KHDRBS2: variants seen among roughly 807,000 people sequenced by gnomAD.
The protein encoded by KHDRBS2 is KH RNA binding domain containing, signal transduction associated 2.
KHDRBS2 carries 26 observed loss-of-function variants against 44.3 expected under a neutral mutation model. The observed-to-expected ratio is 0.59, with a 90% CI of 0.43 to 0.81. KHDRBS2 has a LOEUF of 0.81. Among genes scored for constraint, KHDRBS2 ranks in the 40% least tolerant of loss-of-function variants. The probability of loss-of-function intolerance (pLI) is 0.00; values close to 1 mark genes in which losing one functional copy is unlikely to be tolerated. For missense variants in KHDRBS2, 476 were observed against 433.1 expected, an observed-to-expected ratio of 1.10 and a Z score of -0.88; for synonymous variants, 194 against 151.1, an observed-to-expected ratio of 1.28 and a Z score of -2.08.
chr6:62,244,280 A>G (rs553680902), intron 1 of KHDRBS2, among the ~76,000 whole-genome samples: 3 of 152,308 alleles, frequency 2.0e-5, no homozygotes, highest in South Asian at 4.1e-4. Context: ...AAGTATTTAT[A>G]TATCATAAAT....
At chr6:61,684,338 T>C (rs1006916261) in intron 8 of KHDRBS2, among the ~76,000 whole-genome samples, 2 of 151,872 alleles carry the variant, frequency 1.3e-5, no homozygotes, top group Non-Finnish European at 2.9e-5. Flanking sequence ...CTGAGTCCCA[T>C]GGAACCTTGA....
intron 4 of KHDRBS2, among the ~76,000 whole-genome samples, chr6:61,957,121 A>T (rs1198843241): frequency 1.3e-5 from 2 of 152,126 alleles, no homozygotes; most frequent in Admixed American, 1.3e-4. Flanking sequence ...ATGGACACTT[A>T]TCACTTCCCC....
chr6:62,129,519 T>C (rs1259179619), intron 2 of KHDRBS2, among the ~76,000 whole-genome samples: 1 of 152,140 alleles, frequency 6.6e-6, no homozygotes, highest in Non-Finnish European at 1.5e-5. Flanking sequence ...CAAAATCTTT[T>C]TAATGGCTTA....
the KHDRBS2 span, among the ~76,000 whole-genome samples, chr6:61,630,001 CAG>C: frequency 7.9e-5 from 12 of 152,256 alleles, no homozygotes; most frequent in African/African-American, 2.2e-4. Flanking sequence ...CAACCATTTA[CAG>C]GTTTGTGGGT....
At chr6:62,109,518 T>G (rs1757475958) in intron 2 of KHDRBS2, among the ~76,000 whole-genome samples, 1 of 151,908 alleles carries the variant, frequency 6.6e-6, no homozygotes, top group Admixed American at 6.6e-5. Flanking sequence ...TATTCACAGA[T>G]GACTCTCAAC....
At chr6:62,077,896 C>T (rs1205217207) in intron 2 of KHDRBS2, among the ~76,000 whole-genome samples, 6 of 151,958 alleles carry the variant, frequency 3.9e-5, no homozygotes, top group Non-Finnish European at 8.8e-5. Context: ...TGTACAGTGC[C>T]AGTGGCCATA....
At chr6:61,893,115 A>C (rs574852642) in intron 6 of KHDRBS2, among the ~76,000 whole-genome samples, 2 of 152,360 alleles carry the variant, frequency 1.3e-5, no homozygotes, top group Admixed American at 1.3e-4. Context: ...TCTCAAAAGA[A>C]GACATTTATG....
At chr6:61,643,475 G>A in the KHDRBS2 span, among the ~76,000 whole-genome samples, 1 of 152,140 alleles carries the variant, frequency 6.6e-6, no homozygotes, top group South Asian at 2.1e-4. Flanking sequence ...AATCAGGCAA[G>A]AGAAAGAAAC....
At chr6:61,624,993 A>G in the KHDRBS2 span, among the ~76,000 whole-genome samples, 1 of 152,134 alleles carries the variant, frequency 6.6e-6, no homozygotes. Flanking sequence ...GCAGGAGAGA[A>G]GTCATCATCC....
In KHDRBS2 at chr6:61,774,407, A is replaced by G. The variant is rs1309504307; in HGVS notation, c.811-41643T>C. Among the ~76,000 whole-genome samples, 47 of 151,990 alleles carry G rather than the reference A, an allele frequency of 3.1e-4. 1 individual carries two copies. Among genetic ancestry groups the G allele is most frequent in the Non-Finnish European group, 2.6e-4 (18 of 67,954 alleles). On this transcript the variant is annotated intron_variant, in intron 6 of 8. Transcript: ENST00000281156. Reference sequence around the variant, plus strand: ...TATATCTAGAAAACTGCATTGTCTCAGCCCATAATCTCCTTAAGCTGATAA... The same window carrying G: ...TATATCTAGAAAACTGCATTGTCTCGGCCCATAATCTCCTTAAGCTGATAA...
At chr6:61,579,613 T>C in the KHDRBS2 span, among the ~76,000 whole-genome samples, 1 of 152,132 alleles carries the variant, frequency 6.6e-6, no homozygotes, top group Non-Finnish European at 1.5e-5. Context: ...AGCCGCAAAG[T>C]TGGCAGGGTA....
intron 6 of KHDRBS2, among the ~76,000 whole-genome samples, chr6:61,766,813 G>A (rs866922484): frequency 2.2e-4 from 34 of 151,944 alleles, no homozygotes; most frequent in South Asian, 1.5e-3. Flanking sequence ...ATTACATTGC[G>A]GTCAGAGATG....
At chr6:62,261,549 A>C (rs1193786212) in intron 1 of KHDRBS2, among the ~76,000 whole-genome samples, 1 of 151,904 alleles carries the variant, frequency 6.6e-6, no homozygotes, top group Admixed American at 6.6e-5. Flanking sequence ...AAAGTAAATA[A>C]GCTTCTAAAT....
intron 1 of KHDRBS2, among the ~76,000 whole-genome samples, chr6:62,260,027 A>G (rs1838076456): frequency 6.6e-6 from 1 of 151,980 alleles, no homozygotes; most frequent in African/African-American, 2.4e-5. Context: ...CAGGAAGGCC[A>G]TGTAGTGCTA....
At chr6:61,693,200 C>T (rs894510217) in intron 8 of KHDRBS2, among the ~76,000 whole-genome samples, 8 of 152,054 alleles carry the variant, frequency 5.3e-5, no homozygotes, top group East Asian at 1.9e-4. Flanking sequence ...TGTGTGGGTC[C>T]TCAAATCACT....
intron 6 of KHDRBS2, among the ~76,000 whole-genome samples, chr6:61,759,022 G>T (rs1377770053): frequency 6.6e-6 from 1 of 152,070 alleles, no homozygotes; most frequent in East Asian, 1.9e-4. Context: ...AATTTATGTG[G>T]CATAGTGTTC....
At chr6:61,601,543 G>A in the KHDRBS2 span, among the ~76,000 whole-genome samples, 1 of 151,920 alleles carries the variant, frequency 6.6e-6, no homozygotes, top group South Asian at 2.1e-4. Context: ...CATAAAATAG[G>A]CAAACGGTCT....
chr6:62,240,998 A>T (rs1834570476), intron 1 of KHDRBS2, among the ~76,000 whole-genome samples: 1 of 151,876 alleles, frequency 6.6e-6, no homozygotes, highest in Non-Finnish European at 1.5e-5. Context: ...TTAGATCAGC[A>T]CCTCTTCCCT....
the KHDRBS2 span, among the ~76,000 whole-genome samples, chr6:61,568,474 G>T: frequency 2.6e-5 from 4 of 152,140 alleles, no homozygotes; most frequent in African/African-American, 9.7e-5. Context: ...GAGACTCACA[G>T]TATGAACTTT....
Sources: allele counts gnomAD v4.1 joint callset (sites outside exome capture counted in the v4.1 genomes callset), GRCh38; gene constraint gnomAD v4.1.1; transcripts MANE v1.5; gene names NCBI Gene and HGNC (gene_info 2026-07-23, HGNC 2026-07-21).